The following SLC3A2 variants were observed in gnomAD, a reference collection of about 807,000 sequenced individuals.
The protein encoded by SLC3A2 is solute carrier family 3 member 2.
In SLC3A2, 32 loss-of-function variants were observed where a neutral mutation model predicts 48.5. The ratio of observed to expected loss-of-function variants is 0.66; its 90% CI spans 0.50 to 0.89. SLC3A2 has a LOEUF of 0.89. SLC3A2 is among the 40% of genes least tolerant of loss of function. The probability of loss-of-function intolerance (pLI) is 0.00; values close to 1 mark genes in which losing one functional copy is unlikely to be tolerated. For missense variants in SLC3A2, 587 were observed against 680.7 expected (o/e 0.86, Z 1.53); for synonymous variants, 277 against 288.8 (o/e 0.96, Z 0.41).
Position 62,881,929 on chromosome 11 carries a change from A to AG in SLC3A2, c.463dup (p.Val155GlyfsTer16). 6.2e-7 allele frequency: 1 copy of AG among 1,614,140 alleles called. No homozygotes were observed. Among genetic ancestry groups the AG allele is most frequent in the Non-Finnish European group, 8.5e-7 (1 of 1,180,018 alleles). ...CGTCTCGATTACCTGAGCTCTCTGA[A>AG]GGTGAAGGGCCTTGTGCTGGGTCCA... On this transcript the variant is annotated frameshift_variant, in exon 2 of 9. Transcript: ENST00000338663. LOFTEE classifies it high-confidence loss of function. The surrounding 1 kb of genome is among the most constrained non-coding windows in gnomAD (Gnocchi z 4.0).
intron 1 of SLC3A2, among the ~76,000 whole-genome samples, chr11:62,874,674 T>C (rs546944260): frequency 7.9e-5 from 12 of 152,208 alleles, no homozygotes; most frequent in Non-Finnish European, 1.6e-4. Context: ...AGCTGCGAAG[T>C]GAACTGCTTT....
At chr11:62,860,346 A>C (rs996703311) in intron 1 of SLC3A2, among the ~76,000 whole-genome samples, 11 of 149,030 alleles carry the variant, frequency 7.4e-5, no homozygotes, top group Non-Finnish European at 1.6e-4. Flanking sequence ...CTAAAAATAC[A>C]AAAAAAAAAT....
At position 62,881,146 on chromosome 11, in the gene SLC3A2, T is replaced by G; in HGVS notation, c.123T>G (p.Gly41=). 3 of 1,602,666 alleles carry G rather than the reference T, an allele frequency of 1.9e-6. 1 individual carries two copies. Among genetic ancestry groups the G allele is most frequent in the Middle Eastern group, 3.3e-4 (2 of 6,042 alleles). The change falls in exon 1 of 9, where the codon GGT becomes GGG. Residue 41 remains glycine, a synonymous_variant. Coordinates refer to ENST00000338663, the MANE Select transcript of SLC3A2 (RefSeq NM_001013251.3). This position sits in a 1 kb window ranked among gnomAD's most constrained non-coding sequence, Gnocchi z 4.0. ...AMSLAGAEKN[G]LVKIKVAEDE... ...CCCTGGCGGGAGCCGAGAAGAATGG[T>G]CTGGTGAAGATCAAGGTGGCGGAAG...
At chr11:62,856,495 T>G in intron 1 of SLC3A2, 1 of 861,336 alleles carries the variant, frequency 1.2e-6, no homozygotes, top group Non-Finnish European at 1.8e-6. Flanking sequence ...TTTTCCTAAC[T>G]GGTTCCCTAT....
upstream of SLC3A2, among the ~76,000 whole-genome samples, chr11:62,878,566 C>T (rs1438705642): frequency 6.8e-6 from 1 of 147,298 alleles, no homozygotes; most frequent in African/African-American, 2.5e-5. Context: ...CCCAGGTTCA[C>T]GTCATTCTCC....
intron 1 of SLC3A2, chr11:62,856,519 G>C: frequency 2.9e-6 from 2 of 699,030 alleles, no homozygotes; most frequent in Non-Finnish European, 4.7e-6. Flanking sequence ...CTGCCTTCTG[G>C]TGCGTTTTCT....
chr11:62,876,610 TA>T (rs146764790), upstream of SLC3A2, among the ~76,000 whole-genome samples: 6,600 of 152,118 alleles, frequency 0.043, 175 homozygotes, highest in Middle Eastern at 0.075. Context: ...TATTTTATAT[TA>T]TTTTTTTGAG....
chr11:62,861,846 G>C (rs1367046401), intron 1 of SLC3A2, among the ~76,000 whole-genome samples: 2 of 150,518 alleles, frequency 1.3e-5, no homozygotes, highest in Non-Finnish European at 3.0e-5. Flanking sequence ...GAAAGGCGGA[G>C]GATGCGGTGA....
intron 5 of SLC3A2, 46 bp downstream of exon 5, chr11:62,884,736 C>A: frequency 6.6e-7 from 1 of 1,512,472 alleles, no homozygotes; most frequent in South Asian, 1.3e-5. Context: ...ATGTGGGAAC[C>A]CCTCAGTGGA....
At chr11:62,882,819 G>C (rs1048563715) in intron 2 of SLC3A2, 89 bp from the exon 3 acceptor site, 9 of 1,109,966 alleles carry the variant, frequency 8.1e-6, no homozygotes, top group Non-Finnish European at 1.2e-5. Flanking sequence ...TAATACATAG[G>C]AAACACTCAG....
intron 7 of SLC3A2, 49 bp downstream of exon 7, chr11:62,885,657 C>T: frequency 1.3e-6 from 2 of 1,597,306 alleles, no homozygotes; most frequent in Non-Finnish European, 1.7e-6. Flanking sequence ...ATCCATCTTA[C>T]AATGATGATT....
At chr11:62,880,845 C>T (rs540968631), upstream of SLC3A2, 106 of 1,348,212 alleles carry the variant, frequency 7.9e-5, no homozygotes, top group South Asian at 1.0e-3. Context: ...AAGGGGCGGG[C>T]CGGGGCGGGG....
chr11:62,860,679 G>T (rs1279153282), intron 1 of SLC3A2, among the ~76,000 whole-genome samples: 1 of 152,064 alleles, frequency 6.6e-6, no homozygotes, highest in Non-Finnish European at 1.5e-5. Flanking sequence ...GTGTCTGGGG[G>T]ACGGTCAGGT....
upstream of SLC3A2, among the ~76,000 whole-genome samples, chr11:62,878,629 C>A (rs1430249584): frequency 2.1e-5 from 3 of 146,156 alleles, no homozygotes; most frequent in African/African-American, 7.6e-5. Flanking sequence ...CCACGCCTGG[C>A]TGATTTTTTT....
chr11:62,875,392 CAAA>C (rs1019665245), intron 1 of SLC3A2, among the ~76,000 whole-genome samples: 1 of 151,988 alleles, frequency 6.6e-6, no homozygotes, highest in African/African-American at 2.4e-5. Flanking sequence ...TAAAAATACA[CAAA>C]AAAATCAAAA....
intron 7 of SLC3A2, among the ~76,000 whole-genome samples, chr11:62,887,296 G>A (rs983848507): frequency 1.3e-5 from 2 of 152,102 alleles, no homozygotes; most frequent in Non-Finnish European, 2.9e-5. Flanking sequence ...TAACCAAGCA[G>A]ATACCTGAGG....
At chr11:62,869,010 C>T (rs1432754268) in intron 1 of SLC3A2, among the ~76,000 whole-genome samples, 1 of 151,688 alleles carries the variant, frequency 6.6e-6, no homozygotes, top group African/African-American at 2.4e-5. Flanking sequence ...GTGATTCTCC[C>T]ACCTCAGCCT....
chr11:62,859,781 GAA>G (rs1188800025), intron 1 of SLC3A2, among the ~76,000 whole-genome samples: 1 of 151,034 alleles, frequency 6.6e-6, no homozygotes, highest in Non-Finnish European at 1.5e-5. Flanking sequence ...GAATCTACTA[GAA>G]AAGAGGGCAT....
intron 1 of SLC3A2, among the ~76,000 whole-genome samples, chr11:62,868,053 C>A (rs940115336): frequency 6.6e-6 from 1 of 151,912 alleles, no homozygotes; most frequent in Non-Finnish European, 1.5e-5. Flanking sequence ...TCCTGAGTAG[C>A]TGCGATTACA....
Sources: allele counts gnomAD v4.1 joint callset (sites outside exome capture counted in the v4.1 genomes callset), GRCh38; gene constraint gnomAD v4.1.1; non-coding constraint Gnocchi (gnomAD v3.1); transcripts MANE v1.5; gene names NCBI Gene and HGNC (gene_info 2026-07-23, HGNC 2026-07-21).